Variants in RB1 observed in about 807,000 individuals in gnomAD.
RB1 encodes the protein retinoblastoma-associated protein.
Under a neutral mutation model 135.4 loss-of-function variants are expected in RB1, and 18 were observed. That is an observed-to-expected ratio of 0.13 (90% CI 0.09 to 0.20). RB1 has a LOEUF of 0.20. Among genes scored for constraint, RB1 ranks in the 10% least tolerant of loss-of-function variants. RB1 has a pLI of 1.00. For missense variants in RB1, 868 were observed against 1,110.0 expected (o/e 0.78, Z 3.10); for synonymous variants, 365 against 373.2 (o/e 0.98, Z 0.25).
rs1401201910 is a variant in RB1, at chr13:48,342,827, A to G, written c.380+113A>G. 4 of 747,838 alleles carry G rather than the reference A, an allele frequency of 5.3e-6. No homozygotes were observed. In the Middle Eastern group the frequency reaches 1.1e-3, roughly 199 times the overall value. 46.3% of individuals were successfully genotyped at this position (747,838 alleles called of 1,614,324 possible). A position where few individuals can be genotyped will look rare whatever the true frequency, so the allele number is the denominator to read the frequency against. Reference sequence around the variant, plus strand: ...AGAAATGCTAAAATAAAGTAAAACAAAAAGAACTTGGACCAAATAGTGAAC... The same window carrying G: ...AGAAATGCTAAAATAAAGTAAAACAGAAAGAACTTGGACCAAATAGTGAAC... On this transcript the variant is annotated intron_variant, in intron 3 of 26. Coordinates refer to ENST00000267163, the MANE Select transcript of RB1 (RefSeq NM_000321.3).
At chr13:48,389,655 CTA>C (rs1948596862) in intron 17 of RB1, 1 of 152,130 alleles carries the variant, frequency 6.6e-6, no homozygotes, top group Non-Finnish European at 1.5e-5. Context: ...TTGTCTCCGA[CTA>C]TGTGTCAGCA....
At chr13:48,419,676 T>A (rs1332519515) in intron 17 of RB1, among the ~76,000 whole-genome samples, 2 of 151,904 alleles carry the variant, frequency 1.3e-5, no homozygotes, top group African/African-American at 4.8e-5. Context: ...AAGAATCAAA[T>A]AGACACAATA....
intron 17 of RB1, among the ~76,000 whole-genome samples, chr13:48,393,587 G>A (rs533732682): frequency 3.4e-4 from 52 of 152,300 alleles, no homozygotes; most frequent in African/African-American, 1.2e-3. Context: ...GTTACTAAAC[G>A]TAAGGCTTAG....
chr13:48,307,905 C>T (rs1335305569), intron 2 of RB1, among the ~76,000 whole-genome samples: 1 of 150,720 alleles, frequency 6.6e-6, no homozygotes, highest in East Asian at 1.9e-4. Context: ...TAAATGCCTC[C>T]CACCAAACTA....
At chr13:48,369,589 G>T (rs1397789344) in intron 11 of RB1, among the ~76,000 whole-genome samples, 2 of 152,164 alleles carry the variant, frequency 1.3e-5, no homozygotes, top group East Asian at 3.8e-4. Flanking sequence ...GGTTTCTGTT[G>T]CCTCTCCAAC....
At chr13:48,313,371 T>TC (rs35349334) in intron 2 of RB1, among the ~76,000 whole-genome samples, 5 of 90,144 alleles carry the variant, frequency 5.5e-5, no homozygotes, top group Non-Finnish European at 8.1e-5. Flanking sequence ...CAGTTTTCTA[T>TC]TTTTTTTTTG....
chr13:48,321,131 G>T (rs941495083), intron 2 of RB1, among the ~76,000 whole-genome samples: 3 of 151,994 alleles, frequency 2.0e-5, no homozygotes, highest in African/African-American at 7.2e-5. Context: ...CACCCACCGC[G>T]CTGACCCTGC....
At chr13:48,393,988 T>C (rs1050014128) in intron 17 of RB1, among the ~76,000 whole-genome samples, 1 of 152,092 alleles carries the variant, frequency 6.6e-6, no homozygotes, top group Non-Finnish European at 1.5e-5. Flanking sequence ...ACAGCTCTGG[T>C]CTGCAGCTGC....
intron 23 of RB1, among the ~76,000 whole-genome samples, chr13:48,472,575 C>A (rs1949478054): frequency 6.6e-6 from 1 of 151,960 alleles, no homozygotes; most frequent in African/African-American, 2.4e-5. Context: ...ACTTGCTGAT[C>A]CTTAGTGAAA....
intron 19 of RB1, 95 bp downstream of exon 19, chr13:48,456,444 C>A (rs1949360960): frequency 6.7e-7 from 1 of 1,491,044 alleles, no homozygotes; most frequent in Non-Finnish European, 9.1e-7. Flanking sequence ...CATTACTGGG[C>A]AAGTCACTTA....
At chr13:48,383,895 T>G (rs933398458) in intron 17 of RB1, among the ~76,000 whole-genome samples, 2 of 152,150 alleles carry the variant, frequency 1.3e-5, no homozygotes, top group African/African-American at 4.8e-5. Context: ...ACTATTGTTA[T>G]TTCTTTTAGA....
intron 2 of RB1, chr13:48,328,649 C>T: frequency 1.8e-6 from 1 of 546,488 alleles, no homozygotes; most frequent in African/African-American, 1.9e-5. Context: ...AAAATAGCTA[C>T]AAGGTATTTC....
At chr13:48,413,554 T>C (rs1477538452) in intron 17 of RB1, among the ~76,000 whole-genome samples, 1 of 152,216 alleles carries the variant, frequency 6.6e-6, no homozygotes, top group Admixed American at 6.5e-5. Flanking sequence ...ACAGGGGCCT[T>C]TAACCTTTAA....
intron 17 of RB1, among the ~76,000 whole-genome samples, chr13:48,404,882 G>A (rs998021438): frequency 1.3e-5 from 2 of 152,040 alleles, no homozygotes; most frequent in African/African-American, 4.8e-5. Context: ...GAGAGAAAAA[G>A]TAAGCTATTT....
chr13:48,459,542 G>A, intron 19 of RB1, 146 bp from the exon 20 acceptor site: 1 of 808,506 alleles, frequency 1.2e-6, no homozygotes, highest in Non-Finnish European at 2.1e-6. Flanking sequence ...TGTTTCTCTG[G>A]GGGAAAGAAA....
In RB1 at chr13:48,480,272, A is replaced by G; in HGVS notation, c.*201A>G. ...TGTTAGTCATTGTTATTTATACAAGATTGAAAATCTTGTGTAAATCCTGCC... is the reference window on the plus strand; with the variant it reads ...TGTTAGTCATTGTTATTTATACAAGGTTGAAAATCTTGTGTAAATCCTGCC... On this transcript the variant is annotated 3_prime_UTR_variant, in exon 27 of 27. Coordinates refer to ENST00000267163, the MANE Select transcript of RB1 (RefSeq NM_000321.3). 1.7e-6 allele frequency: 1 copy of G among 586,088 alleles called. No individual in the cohort carries two copies. Among genetic ancestry groups the G allele is most frequent in the East Asian group, 2.8e-5 (1 of 35,252 alleles). The allele number at this position is 586,088 out of a possible 1,614,324, so 36.3% of individuals were successfully genotyped here.
intron 17 of RB1, among the ~76,000 whole-genome samples, chr13:48,384,678 G>A (rs1284367452): frequency 1.3e-5 from 2 of 151,946 alleles, no homozygotes; most frequent in Non-Finnish European, 2.9e-5. Flanking sequence ...TTCAAATGAG[G>A]TGCTGCTTAC....
intron 20 of RB1, among the ~76,000 whole-genome samples, chr13:48,462,000 T>C (rs1949408750): frequency 6.6e-6 from 1 of 152,010 alleles, no homozygotes; most frequent in Non-Finnish European, 1.5e-5. Context: ...ACCTGGCTAA[T>C]TTCTGTATTT....
chr13:48,310,327 A>G (rs115055716), intron 2 of RB1, among the ~76,000 whole-genome samples: 1 of 152,298 alleles, frequency 6.6e-6, no homozygotes, highest in African/African-American at 2.4e-5. Context: ...TATTGTCAAA[A>G]AGGAAACCCT....
Sources: allele counts gnomAD v4.1 joint callset (sites outside exome capture counted in the v4.1 genomes callset), GRCh38; gene constraint gnomAD v4.1.1; transcripts MANE v1.5; gene names NCBI Gene and HGNC (gene_info 2026-07-23, HGNC 2026-07-21).